The following CEP63 variants were observed in gnomAD, a reference collection of about 807,000 sequenced individuals.
The protein encoded by CEP63 is centrosomal protein 63.
Under a neutral mutation model 89.1 loss-of-function variants are expected in CEP63, and 84 were observed. The ratio of observed to expected loss-of-function variants is 0.94; its 90% CI spans 0.79 to 1.13. CEP63 has a LOEUF of 1.13. CEP63 is among the 50% of genes most tolerant of loss of function. The probability of loss-of-function intolerance (pLI) is 0.00; values close to 1 mark genes in which losing one functional copy is unlikely to be tolerated. For missense variants in CEP63, 838 were observed against 813.3 expected, an observed-to-expected ratio of 1.03 and a Z score of -0.37; for synonymous variants, 267 against 272.5, an observed-to-expected ratio of 0.98 and a Z score of 0.20.
the CEP63 span, among the ~76,000 whole-genome samples, chr3:134,717,133 A>C: frequency 6.6e-6 from 1 of 152,226 alleles, no homozygotes; most frequent in Non-Finnish European, 1.5e-5. Context: ...GGAATGGTAC[A>C]GTGAAAGGCA....
At chr3:134,603,364 A>T in the CEP63 span, 5 of 487,384 alleles carry the variant, frequency 1.0e-5, no homozygotes, top group Non-Finnish European at 1.8e-5. Flanking sequence ...CTAAAGAGCC[A>T]CTGCCTCTGC....
chr3:134,669,805 C>G, the CEP63 span, among the ~76,000 whole-genome samples: 1 of 152,132 alleles, frequency 6.6e-6, no homozygotes, highest in African/African-American at 2.4e-5. Context: ...TTTCTGTGCA[C>G]AAGAAAAGGT....
downstream of CEP63, among the ~76,000 whole-genome samples, chr3:134,591,941 C>T (rs1009001603): frequency 6.6e-6 from 1 of 152,074 alleles, no homozygotes; most frequent in Non-Finnish European, 1.5e-5. Flanking sequence ...GCTCTATTAG[C>T]TATCTACGGC....
intron 12 of CEP63, among the ~76,000 whole-genome samples, chr3:134,553,905 C>T (rs1446180696): frequency 5.3e-5 from 7 of 131,530 alleles, no homozygotes; most frequent in Non-Finnish European, 3.2e-5. Context: ...GTATTGTTCG[C>T]AATATCCAAA....
the CEP63 span, chr3:134,779,725 C>G: frequency 6.6e-6 from 1 of 152,178 alleles, no homozygotes; most frequent in East Asian, 1.9e-4. Context: ...GTGTTCTTCT[C>G]TTTTCCCACC....
At chr3:134,549,307 G>A in intron 10 of CEP63, 131 bp downstream of exon 10, 1 of 656,318 alleles carries the variant, frequency 1.5e-6, no homozygotes. Flanking sequence ...ATTTAGGAGT[G>A]GAAGAGTTTG....
At chr3:134,691,502 C>T in the CEP63 span, among the ~76,000 whole-genome samples, 9 of 151,440 alleles carry the variant, frequency 5.9e-5, no homozygotes, top group African/African-American at 2.2e-4. Context: ...CCTGTAGTCA[C>T]AGCTGCTCAG....
the CEP63 span, among the ~76,000 whole-genome samples, chr3:134,756,148 T>A: frequency 6.6e-6 from 1 of 152,178 alleles, no homozygotes; most frequent in Non-Finnish European, 1.5e-5. Context: ...GTATTTTGGG[T>A]CTAAATGGCA....
chr3:134,523,818 A>G (rs1948045567), intron 3 of CEP63, among the ~76,000 whole-genome samples: 1 of 152,118 alleles, frequency 6.6e-6, no homozygotes, highest in Admixed American at 6.5e-5. Flanking sequence ...GAAGTTGGGT[A>G]GTGTGATGCT....
the CEP63 span, among the ~76,000 whole-genome samples, chr3:134,704,337 G>A: frequency 1.3e-5 from 2 of 152,098 alleles, no homozygotes; most frequent in Non-Finnish European, 2.9e-5. Flanking sequence ...GAAGAATTGG[G>A]CCTCATTCAT....
At chr3:134,516,007 G>C (rs1381302983) in intron 3 of CEP63, among the ~76,000 whole-genome samples, 1 of 152,132 alleles carries the variant, frequency 6.6e-6, no homozygotes, top group African/African-American at 2.4e-5. Context: ...ACTTGGAAAA[G>C]AAAGAGACAC....
the CEP63 span, among the ~76,000 whole-genome samples, chr3:134,702,279 G>A: frequency 1.3e-5 from 2 of 151,702 alleles, no homozygotes; most frequent in Non-Finnish European, 2.9e-5. Flanking sequence ...CAGGAAAATA[G>A]CCATACTGCT....
the CEP63 span, among the ~76,000 whole-genome samples, chr3:134,620,274 G>A: frequency 6.6e-6 from 1 of 152,206 alleles, no homozygotes; most frequent in Non-Finnish European, 1.5e-5. Context: ...GGGACCAGTG[G>A]CCAATGTTGC....
the CEP63 span, chr3:134,639,914 C>T: frequency 1.4e-5 from 2 of 139,330 alleles, no homozygotes; most frequent in African/African-American, 5.6e-5. Context: ...CGCACCTCTG[C>T]ACTCCAACCT....
chr3:134,547,614 C>CTTTTATTTTTTTTTTTTTTTTTTT, intron 9 of CEP63, 142 bp downstream of exon 9: 1 of 268,922 alleles, frequency 3.7e-6, no homozygotes, highest in Non-Finnish European at 6.5e-6. Flanking sequence ...GTTCTTATTT[C>CTTTTATTTTTTTTTTTTTTTTTTT]TTTTTTTTTT....
chr3:134,564,898 T>C lies in CEP63; in HGVS notation c.*3363T>C. 6.1e-6 allele frequency: 6 copies of C among 984,878 alleles called. No individual in the cohort carries two copies. Among genetic ancestry groups the C allele is most frequent in the Non-Finnish European group, 7.2e-6 (6 of 829,406 alleles). 61.0% of individuals were successfully genotyped at this position (984,878 alleles called of 1,614,324 possible). A position where few individuals can be genotyped will look rare whatever the true frequency, so the allele number is the denominator to read the frequency against. On this transcript the variant is annotated 3_prime_UTR_variant, in exon 15 of 15. Coordinates refer to ENST00000675561, the MANE Select transcript of CEP63 (RefSeq NM_001353108.3). Reference sequence around the variant, plus strand: ...TACTATGTATTTCCTTAAATTATACTGTTTTTTAAAGCTGAAGTATCTAAT... The same window carrying C: ...TACTATGTATTTCCTTAAATTATACCGTTTTTTAAAGCTGAAGTATCTAAT...
At chr3:134,757,774 G>A in the CEP63 span, among the ~76,000 whole-genome samples, 1 of 152,150 alleles carries the variant, frequency 6.6e-6, no homozygotes, top group East Asian at 1.9e-4. Context: ...AACCTTGGGG[G>A]TCCCCACCAA....
At chr3:134,761,547 G>A in the CEP63 span, among the ~76,000 whole-genome samples, 2 of 152,196 alleles carry the variant, frequency 1.3e-5, no homozygotes, top group East Asian at 3.9e-4. Flanking sequence ...AGAGTAAGGA[G>A]GAAAATTATT....
chr3:134,575,324 T>C (rs1958182964), downstream of CEP63, among the ~76,000 whole-genome samples: 1 of 125,606 alleles, frequency 8.0e-6, no homozygotes, highest in African/African-American at 3.1e-5. Context: ...TTTTCTTTCT[T>C]TCTTTGGAGA....
Sources: allele counts gnomAD v4.1 joint callset (sites outside exome capture counted in the v4.1 genomes callset), GRCh38; gene constraint gnomAD v4.1.1; transcripts MANE v1.5; gene names NCBI Gene and HGNC (gene_info 2026-07-23, HGNC 2026-07-21).